Variants in SLC9A9 observed in about 807,000 individuals in gnomAD.
SLC9A9 encodes the protein solute carrier family 9 member A9.
In SLC9A9, 62 loss-of-function variants were observed where a neutral mutation model predicts 77.8. The observed-to-expected ratio is 0.80, with a 90% CI of 0.65 to 0.98. The LOEUF is 0.98. Among genes scored for constraint, SLC9A9 ranks in the 50% least tolerant of loss-of-function variants. The pLI, the probability that SLC9A9 is intolerant of heterozygous loss-of-function variation, is 0.00. For synonymous variants in SLC9A9, 320 were observed against 283.5 expected, an observed-to-expected ratio of 1.13 and a Z score of -1.29; for missense variants, 775 against 774.9, an observed-to-expected ratio of 1.00 and a Z score of 0.00.
At chr3:143,816,492 G>A (rs994703197) in intron 2 of SLC9A9, among the ~76,000 whole-genome samples, 2 of 152,146 alleles carry the variant, frequency 1.3e-5, no homozygotes, top group Admixed American at 6.5e-5. Flanking sequence ...TGAGATTTAT[G>A]TATATTAATA....
At chr3:143,377,595 G>T (rs1056509263) in intron 13 of SLC9A9, among the ~76,000 whole-genome samples, 13 of 152,180 alleles carry the variant, frequency 8.5e-5, no homozygotes, top group Non-Finnish European at 1.2e-4. Context: ...AGAAACAAAA[G>T]AAAATTGGAA....
chr3:143,612,015 T>C (rs887060235), intron 6 of SLC9A9, among the ~76,000 whole-genome samples: 1 of 152,224 alleles, frequency 6.6e-6, no homozygotes, highest in Non-Finnish European at 1.5e-5. Flanking sequence ...TAAGCCACCA[T>C]GCCTGGCCTA....
At chr3:143,632,644 C>A (rs1040074544) in intron 6 of SLC9A9, among the ~76,000 whole-genome samples, 1 of 151,980 alleles carries the variant, frequency 6.6e-6, no homozygotes, top group African/African-American at 2.4e-5. Context: ...AATTGAATAC[C>A]TCTTGAATAG....
At chr3:143,515,296 G>A (rs1308072409) in intron 9 of SLC9A9, among the ~76,000 whole-genome samples, 1 of 152,050 alleles carries the variant, frequency 6.6e-6, no homozygotes, top group Non-Finnish European at 1.5e-5. Context: ...TAATGAAAAA[G>A]CTTATGATAG....
chr3:143,786,498 C>T (rs1165103702), intron 4 of SLC9A9, among the ~76,000 whole-genome samples: 1 of 152,156 alleles, frequency 6.6e-6, no homozygotes, highest in Non-Finnish European at 1.5e-5. Flanking sequence ...ACAGCTCTGA[C>T]GGCTTCACCT....
chr3:143,529,264 C>T (rs2036463137), intron 9 of SLC9A9, among the ~76,000 whole-genome samples: 1 of 152,190 alleles, frequency 6.6e-6, no homozygotes, highest in African/African-American at 2.4e-5. Flanking sequence ...ACAAATTCAA[C>T]TTTTAAAACG....
intron 1 of SLC9A9, among the ~76,000 whole-genome samples, chr3:143,840,077 A>G (rs2009667934): frequency 6.6e-6 from 1 of 152,188 alleles, no homozygotes; most frequent in East Asian, 1.9e-4. Flanking sequence ...AGTGCATCAG[A>G]ACCTCCTGGA....
At chr3:143,437,355 T>C (rs73867632) in intron 12 of SLC9A9, among the ~76,000 whole-genome samples, 2,095 of 152,322 alleles carry the variant, frequency 0.014, 49 homozygotes, top group African/African-American at 0.047. Flanking sequence ...GAAGGTTGCT[T>C]CCAGAACTGC....
At chr3:143,537,426 A>G (rs1466446066) in intron 9 of SLC9A9, among the ~76,000 whole-genome samples, 2 of 151,928 alleles carry the variant, frequency 1.3e-5, no homozygotes, top group Non-Finnish European at 2.9e-5. Context: ...CTGGGTTCCA[A>G]CTGCAGCCTG....
intron 4 of SLC9A9, among the ~76,000 whole-genome samples, chr3:143,765,655 C>T (rs1003448098): frequency 6.6e-6 from 1 of 152,136 alleles, no homozygotes; most frequent in African/African-American, 2.4e-5. Context: ...ATAATCTATG[C>T]CTCAAAATCA....
intron 8 of SLC9A9, among the ~76,000 whole-genome samples, chr3:143,572,290 G>A (rs1300032432): frequency 6.8e-6 from 1 of 147,494 alleles, no homozygotes; most frequent in East Asian, 2.0e-4. Context: ...ACAATTCTTA[G>A]GCAATGGTGT....
chr3:143,507,074 ATTATC>A (rs1344630330), intron 9 of SLC9A9, among the ~76,000 whole-genome samples: 2 of 151,344 alleles, frequency 1.3e-5, no homozygotes, highest in Admixed American at 6.6e-5. Context: ...TCTTGTGCAT[ATTATC>A]TTAAGATTTT....
chr3:143,277,516 T>C (rs1240685145), intron 14 of SLC9A9, among the ~76,000 whole-genome samples: 2 of 152,216 alleles, frequency 1.3e-5, no homozygotes, highest in Non-Finnish European at 2.9e-5. Context: ...ATATAAATTT[T>C]ACCACTATTA....
chr3:143,804,333 T>C lies in SLC9A9; in HGVS notation c.379-7430A>G, dbSNP rs567286347. Among the ~76,000 whole-genome samples, 3 of 152,278 alleles carry C rather than the reference T, an allele frequency of 2.0e-5. No individual in the cohort carries two copies. The South Asian group carries it at 6.2e-4, about 32-fold the overall frequency. ...CAGACTCTCCTCCCAGGCCCTCTTC[T>C]TGTTTACTTACCCCTAGCCCCGTAA... On this transcript the variant is annotated intron_variant, in intron 2 of 15. Coordinates refer to ENST00000316549, the MANE Select transcript of SLC9A9 (RefSeq NM_173653.4).
rs772155245 is a variant in SLC9A9, at chr3:143,552,441, G to A, written c.1010C>T (p.Ala337Val). 6.2e-7 allele frequency: 1 copy of A among 1,612,868 alleles called. No individual in the cohort carries two copies. Among genetic ancestry groups the A allele is most frequent in the South Asian group, 1.1e-5 (1 of 91,034 alleles). The change falls in exon 9 of 16, where the codon GCT (alanine) becomes GTT (valine). Residue 337 changes from alanine (A) to valine (V), a missense_variant. Physicochemically the swap from Ala to Val is moderately conservative, Grantham distance 64 (BLOSUM62 0). Transcript: ENST00000316549. The part of the protein sequence containing the change: ...AEAAGLTGIV[A>V]VLFCGVTQAH... The stretch of plus-strand genomic sequence containing the variant: ...TTGTGTGACTCCACAGAAGAGAACA[G>A]CAACTATCCCTGAAATTAAAAAAAC...
chr3:143,342,812 G>A (rs2032147513), intron 14 of SLC9A9, among the ~76,000 whole-genome samples: 1 of 152,224 alleles, frequency 6.6e-6, no homozygotes, highest in Non-Finnish European at 1.5e-5. Flanking sequence ...TCTGGTGCAT[G>A]TTCAACCTCA....
intron 14 of SLC9A9, among the ~76,000 whole-genome samples, chr3:143,331,094 A>T (rs1230764775): frequency 6.6e-6 from 1 of 152,204 alleles, no homozygotes; most frequent in Non-Finnish European, 1.5e-5. Context: ...ATGGGGTAAG[A>T]GAGGATGGAT....
intron 9 of SLC9A9, among the ~76,000 whole-genome samples, chr3:143,533,477 C>T (rs867941017): frequency 3.5e-4 from 54 of 152,194 alleles, no homozygotes; most frequent in African/African-American, 1.2e-3. Flanking sequence ...GCAGAAGAGG[C>T]TCCAAAAAAG....
chr3:143,325,178 T>G (rs558379953), intron 14 of SLC9A9, among the ~76,000 whole-genome samples: 1 of 152,154 alleles, frequency 6.6e-6, no homozygotes, highest in African/African-American at 2.4e-5. Context: ...TTTGTCTTTA[T>G]TGGCTGTGTC....
Sources: gnomAD v4.1 joint callset for allele counts (sites outside exome capture counted in the v4.1 genomes callset) on GRCh38, gnomAD v4.1.1 for gene constraint, MANE v1.5 for transcripts, NCBI Gene and HGNC (gene_info 2026-07-23, HGNC 2026-07-21) for gene names.